Variants in AP1B1 observed in about 807,000 individuals in gnomAD.
The protein encoded by AP1B1 is adaptor related protein complex 1 subunit beta 1.
In AP1B1, 36 loss-of-function variants were observed where a neutral mutation model predicts 104.3. The ratio of observed to expected loss-of-function variants is 0.35; its 90% CI spans 0.26 to 0.46. The LOEUF (loss-of-function observed/expected upper bound fraction) is 0.46. AP1B1 is among the 20% of genes least tolerant of loss of function. The probability of loss-of-function intolerance (pLI) is 1.00; values close to 1 mark genes in which losing one functional copy is unlikely to be tolerated. For missense variants in AP1B1, 901 were observed against 1,247.9 expected (o/e 0.72, Z 4.19); for synonymous variants, 504 against 517.5 (o/e 0.97, Z 0.35).
chr22:29,329,916 C>T (rs980877373), intron 21 of AP1B1, 196 bp from the exon 22 acceptor site: 29 of 1,434,400 alleles, frequency 2.0e-5, no homozygotes, highest in African/African-American at 8.7e-5. Context: ...TGGGGCTGTC[C>T]GGGGCCCTGG....
chr22:29,384,643 G>A (rs139570515), intron 1 of AP1B1, among the ~76,000 whole-genome samples: 2 of 152,156 alleles, frequency 1.3e-5, no homozygotes, highest in South Asian at 2.1e-4. Context: ...CGAGGCAGGC[G>A]GGTCACTTGA....
intron 10 of AP1B1, 146 bp from the exon 11 acceptor site, chr22:29,349,529 T>TG (rs2061841838): frequency 1.2e-6 from 1 of 823,954 alleles, no homozygotes; most frequent in African/African-American, 1.7e-5. Context: ...TGTTTTTTTT[T>TG]TTGAGATGGA....
rs571195003 is a variant in AP1B1 at position 29,340,641 on chromosome 22, G to A, written c.1998+15C>T. 79 of 1,524,884 alleles carry A rather than the reference G, an allele frequency of 5.2e-5. No homozygotes were observed. Among genetic ancestry groups the A allele is most frequent in the Non-Finnish European group, 6.7e-5 (76 of 1,130,814 alleles). 94.5% of individuals were successfully genotyped at this position (1,524,884 alleles called of 1,614,324 possible). A position where few individuals can be genotyped will look rare whatever the true frequency, so the allele number is the denominator to read the frequency against. ...GATCATTATCAACATCATCCAGAGG[G>A]GGCCCACAACATACCAGGCTGTCAA... On this transcript the variant is annotated intron_variant, in intron 14 of 22. Coordinates refer to ENST00000357586, the MANE Select transcript of AP1B1 (RefSeq NM_001127.4).
chr22:29,379,524 G>A (rs562824695), intron 1 of AP1B1, among the ~76,000 whole-genome samples: 17 of 151,880 alleles, frequency 1.1e-4, no homozygotes, highest in Non-Finnish European at 2.2e-4. Flanking sequence ...AGCACCATCC[G>A]CTCCATGCCT....
chr22:29,361,271 G>T (rs1602755097), intron 3 of AP1B1, among the ~76,000 whole-genome samples: 2 of 152,252 alleles, frequency 1.3e-5, no homozygotes, highest in Middle Eastern at 3.4e-3. Flanking sequence ...CTGGCAGGAG[G>T]TCCTTTGCTT....
intron 1 of AP1B1, among the ~76,000 whole-genome samples, chr22:29,374,406 C>T (rs1385587751): frequency 3.3e-5 from 5 of 152,178 alleles, no homozygotes; most frequent in Non-Finnish European, 7.3e-5. Flanking sequence ...GTATGATAAA[C>T]ATACTCACTA....
chr22:29,339,070 T>A lies in AP1B1; in HGVS notation c.2083A>T (p.Ile695Phe). The A allele has an allele frequency of 6.2e-7, 1 of 1,614,210 alleles. No individual in the cohort carries two copies. The highest frequency in any genetic ancestry group is 8.5e-7 in the Non-Finnish European group (1 of 1,180,042). Residue 695 changes from isoleucine to phenylalanine, a missense_variant, in exon 16 of 23, where the codon ATC becomes TTC. Physicochemically the swap from Ile to Phe is conservative, Grantham distance 21. Coordinates refer to ENST00000357586, the MANE Select transcript of AP1B1 (RefSeq NM_001127.4). ...AAVPANLGAP[I>F]GSGLSDLFDL... ...AAGAGGTCACTCAGGCCACTGCCGA[T>A]GGGTGCTCCAAGATTGGCTGGTACT...
At chr22:29,332,543 G>A (rs928321965) in intron 17 of AP1B1, among the ~76,000 whole-genome samples, 2 of 152,098 alleles carry the variant, frequency 1.3e-5, no homozygotes, top group Admixed American at 6.5e-5. Flanking sequence ...ATGGGACTGG[G>A]GGCACAAACC....
chr22:29,359,011 G>A, intron 4 of AP1B1, 40 bp from the exon 5 acceptor site: 1 of 1,563,386 alleles, frequency 6.4e-7, no homozygotes, highest in Non-Finnish European at 8.7e-7. Flanking sequence ...GGGGTGGGAT[G>A]AGCCATCTGT....
chr22:29,329,044 T>G, intron 22 of AP1B1, 149 bp from the exon 23 acceptor site: 1 of 1,445,118 alleles, frequency 6.9e-7, no homozygotes, highest in Non-Finnish European at 9.1e-7. Context: ...AGATGTGAGG[T>G]AAAGCGGAGG....
intron 2 of AP1B1, among the ~76,000 whole-genome samples, 187 bp from the exon 3 acceptor site, chr22:29,363,293 T>C (rs1208613366): frequency 2.0e-5 from 3 of 152,062 alleles, no homozygotes; most frequent in Non-Finnish European, 2.9e-5. Flanking sequence ...AGGACAGGAA[T>C]TAACAAGATG....
At chr22:29,345,788 G>A (rs566426990) in intron 11 of AP1B1, among the ~76,000 whole-genome samples, 28 of 152,272 alleles carry the variant, frequency 1.8e-4, no homozygotes, top group African/African-American at 6.7e-4. Flanking sequence ...GTGTTCAAGC[G>A]ATTCTCCTGC....
intron 22 of AP1B1, 148 bp from the exon 23 acceptor site, chr22:29,329,043 G>A: frequency 6.9e-7 from 1 of 1,448,736 alleles, no homozygotes; most frequent in Non-Finnish European, 9.1e-7. Flanking sequence ...CAGATGTGAG[G>A]TAAAGCGGAG....
intron 6 of AP1B1, 82 bp downstream of exon 6, chr22:29,356,344 G>A (rs1310009994): frequency 2.1e-6 from 3 of 1,420,484 alleles, no homozygotes; most frequent in Non-Finnish European, 2.8e-6. Context: ...GCCCACTAAG[G>A]CCCAAGGCCC....
chr22:29,332,103 G>A (rs1569150687), intron 17 of AP1B1, 187 bp from the exon 18 acceptor site: 4 of 581,904 alleles, frequency 6.9e-6, no homozygotes, highest in Non-Finnish European at 8.8e-6. Flanking sequence ...TGGCCATCTG[G>A]ACAGAAAGAA....
In AP1B1 at chr22:29,351,777, G is replaced by T. The variant is rs148745544; in HGVS notation, c.987C>A (p.Asn329Lys). Residue 329 changes from asparagine to lysine, a missense_variant, in exon 8 of 23, where the codon AAC (asparagine) becomes AAA (lysine). Physicochemically the swap from Asn to Lys is moderately conservative, Grantham distance 94. Around this residue, in one of 3 missense-constraint regions of AP1B1, gnomAD observed 471 missense variants for 696.7 expected, o/e 0.68. Coordinates refer to ENST00000357586, the MANE Select transcript of AP1B1 (RefSeq NM_001127.4). ...TCTCCAGCTTCACGTAGATAGGGTCGTTGTACTTCACGAAGAACACCTTCA... is the reference window on the plus strand; with the variant it reads ...TCTCCAGCTTCACGTAGATAGGGTCTTTGTACTTCACGAAGAACACCTTCA... ...HEMKVFFVKYNDPIYVKLEKL... is the reference protein window; with the variant it reads ...HEMKVFFVKYKDPIYVKLEKL... The T allele has an allele frequency of 1.2e-6, 2 of 1,614,180 alleles. No homozygotes were observed. Among genetic ancestry groups the T allele is most frequent in the Non-Finnish European group, 1.7e-6 (2 of 1,180,022 alleles).
intron 6 of AP1B1, 41 bp downstream of exon 6, chr22:29,356,385 G>A (rs748819345): frequency 2.1e-5 from 33 of 1,577,268 alleles, no homozygotes; most frequent in Non-Finnish European, 2.8e-5. Flanking sequence ...GAGGACCAGG[G>A]TCCTCAAGCT....
chr22:29,352,860 C>T (rs779968032), intron 7 of AP1B1, among the ~76,000 whole-genome samples: 8 of 152,234 alleles, frequency 5.3e-5, no homozygotes, highest in Non-Finnish European at 1.0e-4. Flanking sequence ...ACATGGACAC[C>T]GACCTAATCG....
chr22:29,351,027 A>G (rs2061865919), intron 9 of AP1B1, 144 bp downstream of exon 9: 1 of 768,804 alleles, frequency 1.3e-6, no homozygotes, highest in South Asian at 1.7e-5. Context: ...GATCTGCACA[A>G]TGCTTGCCAT....
Sources: allele counts gnomAD v4.1 joint callset (sites outside exome capture counted in the v4.1 genomes callset), GRCh38; gene constraint gnomAD v4.1.1; regional missense constraint gnomAD v4.1.1; transcripts MANE v1.5; gene names NCBI Gene and HGNC (gene_info 2026-07-23, HGNC 2026-07-21).